The following MROH7 variants were observed in gnomAD, a reference collection of about 807,000 sequenced individuals.
The protein encoded by MROH7 is maestro heat-like repeat-containing protein family member 7.
In MROH7, 113 loss-of-function variants were observed where a neutral mutation model predicts 129.2. The ratio of observed to expected loss-of-function variants is 0.87; its 90% confidence interval spans 0.75 to 1.02. MROH7 has a LOEUF of 1.02. Ranked by LOEUF, MROH7 falls within the 50% of genes least tolerant of loss-of-function variation. The pLI is 0.00. For missense variants in MROH7, 1,601 were observed against 1,671.3 expected (o/e 0.96, Z 0.73); for synonymous variants, 655 against 667.9 (o/e 0.98, Z 0.30).
intron 14 of MROH7, among the ~76,000 whole-genome samples, chr1:54,683,349 C>A (rs1395034634): frequency 5.9e-5 from 9 of 152,114 alleles, no homozygotes; most frequent in African/African-American, 2.2e-4. Context: ...CTTCTTGCTG[C>A]CACACTCCAA....
intron 21 of MROH7, among the ~76,000 whole-genome samples, chr1:54,705,567 C>T (rs1645519784): frequency 6.6e-6 from 1 of 152,146 alleles, no homozygotes; most frequent in African/African-American, 2.4e-5. Context: ...GGCATCTGAG[C>T]TGAGGCTTAA....
chr1:54,710,065 G>A lies in MROH7; in HGVS notation c.3850G>A (p.Val1284Met), dbSNP rs757165401. The A allele has an allele frequency of 6.2e-7, 1 of 1,614,126 alleles. No individual in the cohort carries two copies. Among genetic ancestry groups the A allele is most frequent in the Non-Finnish European group, 8.5e-7 (1 of 1,180,024 alleles). Reference protein sequence around the residue: ...NSWLPHGNSWVCYSATTHRWS... With the variant: ...NSWLPHGNSWMCYSATTHRWS... ...CTGGCTGCCGCACGGGAACTCATGG[G>A]TGTGTTACTCAGCCACCACCCACCG... The change falls in exon 24 of 24, where the codon GTG (valine) becomes ATG (methionine). Residue 1284 changes from valine (V) to methionine (M), a missense_variant. Physicochemically the swap from Val to Met is conservative, Grantham distance 21. Transcript: ENST00000421030.
At position 54,689,474 on chromosome 1, in the gene MROH7, C is replaced by T. The variant is rs549438324; in HGVS notation, c.2712-2950C>T. Among the ~76,000 whole-genome samples, 26 of 152,282 alleles carry T rather than the reference C, an allele frequency of 1.7e-4. No individual in the cohort carries two copies. In the South Asian group the frequency reaches 5.4e-3, roughly 32 times the overall value. On this transcript the variant is annotated intron_variant, in intron 15 of 23. Coordinates refer to ENST00000421030, the MANE Select transcript of MROH7 (RefSeq NM_001039464.4). ...GAAATGAATCCTCTGGGGTATGGCA[C>T]CAGAGCAAATTGTCCGTGCTCCAGA...
At chr1:54,650,320 T>C (rs1474062913) in intron 1 of MROH7, among the ~76,000 whole-genome samples, 1 of 152,198 alleles carries the variant, frequency 6.6e-6, no homozygotes, top group Admixed American at 6.5e-5. Flanking sequence ...TGAAGAAATA[T>C]ATGGTCTTTC....
chr1:54,674,826 A>G (rs1225796218), intron 10 of MROH7, among the ~76,000 whole-genome samples: 2 of 152,120 alleles, frequency 1.3e-5, no homozygotes, highest in East Asian at 3.9e-4. Flanking sequence ...GCACCTTGGC[A>G]TGTGGTTTAA....
At chr1:54,700,716 A>G (rs1290157745) in intron 18 of MROH7, among the ~76,000 whole-genome samples, 1 of 152,268 alleles carries the variant, frequency 6.6e-6, no homozygotes, top group Non-Finnish European at 1.5e-5. Context: ...AGGGTGGCAC[A>G]AGTATTCCTA....
intron 14 of MROH7, among the ~76,000 whole-genome samples, chr1:54,684,246 G>T (rs1162024842): frequency 2.6e-5 from 4 of 152,218 alleles, no homozygotes; most frequent in African/African-American, 9.6e-5. Context: ...AGAGGAGGAT[G>T]CTCCTGCTTA....
At chr1:54,692,685 T>G in intron 16 of MROH7, 124 bp downstream of exon 16, 1 of 948,524 alleles carries the variant, frequency 1.1e-6, no homozygotes, top group South Asian at 1.8e-5. Context: ...TGTCACCTCT[T>G]CTCTACAACT....
At chr1:54,687,088 ATTTG>A (rs1645160488) in intron 15 of MROH7, among the ~76,000 whole-genome samples, 1 of 124,854 alleles carries the variant, frequency 8.0e-6, no homozygotes, top group African/African-American at 3.1e-5. Context: ...TTATTTATTT[ATTTG>A]AGATGGAGTC....
intron 15 of MROH7, among the ~76,000 whole-genome samples, chr1:54,691,519 A>G (rs1262434309): frequency 1.3e-5 from 2 of 152,146 alleles, no homozygotes; most frequent in Admixed American, 1.3e-4. Context: ...ATAAAAGTGT[A>G]TATAGGCTGG....
rs750428757 is a variant in MROH7 at position 54,704,793 on chromosome 1, C to CTTTTTTTTTTTT, written c.3565-1630_3565-1619dup. Among the ~76,000 whole-genome samples, 26 of 67,826 alleles carry CTTTTTTTTTTTT rather than the reference C, an allele frequency of 3.8e-4. 1 individual carries two copies. Among genetic ancestry groups the CTTTTTTTTTTTT allele is most frequent in the East Asian group, 1.8e-3 (3 of 1,654 alleles). The allele number at this position is 67,826 out of a possible 152,430, so 44.5% of individuals were successfully genotyped here. A position where few individuals can be genotyped will look rare whatever the true frequency, so the allele number is the denominator to read the frequency against. ...ACATGAATTAGCATTCAATGTAGCT[C>CTTTTTTTTTTTT]TTTTTTTTTTTTTTTTTTTTTTTGA... is the stretch of plus-strand genomic sequence containing the variant. On this transcript the variant is annotated intron_variant, in intron 21 of 23. Transcript: ENST00000421030.
At chr1:54,652,788 G>A in intron 2 of MROH7, 65 bp from the exon 3 acceptor site, 1 of 1,186,216 alleles carries the variant, frequency 8.4e-7, no homozygotes, top group Non-Finnish European at 1.2e-6. Context: ...CTTAAGAATA[G>A]TGGGAGCCCT....
At chr1:54,657,002 C>T (rs952372317) in intron 3 of MROH7, among the ~76,000 whole-genome samples, 1 of 150,428 alleles carries the variant, frequency 6.6e-6, no homozygotes, top group Non-Finnish European at 1.5e-5. Flanking sequence ...GCTTGAGCAA[C>T]ATAGCAAGAC....
chr1:54,678,963 C>G (rs1645024873), intron 11 of MROH7, 109 bp downstream of exon 11: 3 of 886,980 alleles, frequency 3.4e-6, no homozygotes, highest in East Asian at 5.2e-5. Context: ...TTGCAGGACG[C>G]CTTCCCAGCC....
intron 12 of MROH7, 23 bp from the exon 13 acceptor site, chr1:54,679,868 T>C: frequency 6.3e-7 from 1 of 1,597,382 alleles, no homozygotes; most frequent in Non-Finnish European, 8.5e-7. Context: ...CCCTTGCTCA[T>C]GGCTGCCCCG....
At chr1:54,656,035 A>G in intron 3 of MROH7, among the ~76,000 whole-genome samples, 1 of 151,264 alleles carries the variant, frequency 6.6e-6, no homozygotes, top group South Asian at 2.1e-4. Context: ...CTGGGACTAC[A>G]GGCATGCATC....
chr1:54,659,285 T>C (rs1340740170), intron 3 of MROH7: 1 of 195,426 alleles, frequency 5.1e-6, no homozygotes, highest in African/African-American at 2.4e-5. Context: ...AATTTTTATT[T>C]ATTTATTTAT....
At chr1:54,675,623 A>C (rs1206657195) in intron 10 of MROH7, among the ~76,000 whole-genome samples, 2 of 149,704 alleles carry the variant, frequency 1.3e-5, no homozygotes, top group Non-Finnish European at 3.0e-5. Context: ...TTTGAGACAG[A>C]GTCTTGCTCT....
chr1:54,653,182 A>G lies in MROH7; in HGVS notation c.256A>G (p.Ser86Gly). ...TGAAAACACCCCCAGACCTGATGAC[A>G]GCAGAGCTATCGCTCCAGCCTCCCT... ...VSENTPRPDD[S>G]RAIAPASLQI... The change falls in exon 3 of 24, where the codon AGC becomes GGC. Residue 86 changes from serine to glycine, a missense_variant. Ser to Gly is a moderately conservative substitution (Grantham distance 56, BLOSUM62 0). Transcript: ENST00000421030. 1 of 1,614,204 alleles carries G rather than the reference A, an allele frequency of 6.2e-7. No individual in the cohort carries two copies. Among genetic ancestry groups the G allele is most frequent in the Non-Finnish European group, 8.5e-7 (1 of 1,180,022 alleles).
Sources: gnomAD v4.1 joint callset for allele counts (sites outside exome capture counted in the v4.1 genomes callset) on GRCh38, gnomAD v4.1.1 for gene constraint, MANE v1.5 for transcripts, NCBI Gene and HGNC (gene_info 2026-07-23, HGNC 2026-07-21) for gene names.